TENM3: variants seen among roughly 807,000 people sequenced by gnomAD.
The protein encoded by TENM3 is teneurin transmembrane protein 3.
TENM3 carries 63 observed loss-of-function variants against 255.1 expected under a neutral mutation model. That is an observed-to-expected ratio of 0.25 (90% CI 0.20 to 0.30). The LOEUF is 0.30. Among genes scored for constraint, TENM3 ranks in the 10% least tolerant of loss-of-function variants. The probability of loss-of-function intolerance (pLI) is 1.00; values close to 1 mark genes in which losing one functional copy is unlikely to be tolerated. For missense variants in TENM3, 2,929 were observed against 3,461.1 expected, an observed-to-expected ratio of 0.85 and a Z score of 3.86; for synonymous variants, 1,306 against 1,322.3, an observed-to-expected ratio of 0.99 and a Z score of 0.27.
At chr4:182,593,628 A>T (rs1188487258) in intron 3 of TENM3, among the ~76,000 whole-genome samples, 1 of 152,154 alleles carries the variant, frequency 6.6e-6, no homozygotes. Flanking sequence ...GGGTGAAGGA[A>T]GTGGGTGGGA....
At chr4:182,430,992 A>G (rs889616700) in intron 3 of TENM3, among the ~76,000 whole-genome samples, 2 of 151,514 alleles carry the variant, frequency 1.3e-5, no homozygotes, top group East Asian at 2.0e-4. Flanking sequence ...AGCCTGGGTG[A>G]CACAGCAAGA....
the TENM3 span, among the ~76,000 whole-genome samples, chr4:182,018,650 C>A: frequency 1.3e-5 from 2 of 152,152 alleles, no homozygotes; most frequent in African/African-American, 4.8e-5. Context: ...ATAAAGTGAT[C>A]TTTCCTTTCA....
the TENM3 span, among the ~76,000 whole-genome samples, chr4:181,946,024 C>A: frequency 6.6e-6 from 1 of 151,984 alleles, no homozygotes; most frequent in Non-Finnish European, 1.5e-5. Flanking sequence ...TCCTATTTAT[C>A]ATAAAGATAA....
chr4:182,450,720 G>A (rs1389405846), intron 3 of TENM3, among the ~76,000 whole-genome samples: 3 of 152,196 alleles, frequency 2.0e-5, no homozygotes, highest in African/African-American at 4.8e-5. Context: ...GGCTGTGAAA[G>A]ACTGAAATTA....
chr4:182,152,291 T>C lies in TENM3; in HGVS notation c.-76+7537T>C, dbSNP rs796082298. ...TCTATAATATGTTTATAAGTTGATA[T>C]TTCTGCTTTAAATTTCAACTTGTTT... On this transcript the variant is annotated intron_variant, in intron 1 of 2. Transcript: ENST00000512480. Among the ~76,000 whole-genome samples, 50 of 152,088 alleles carry C rather than the reference T, an allele frequency of 3.3e-4. 1 individual carries two copies. The highest frequency in any genetic ancestry group is 1.1e-3 in the African/African-American group (45 of 41,574).
rs1372033969 is a variant in TENM3, at chr4:182,801,495, G to T, written c.*1144G>T. On this transcript the variant is annotated 3_prime_UTR_variant, in exon 28 of 28. Coordinates refer to ENST00000511685, the MANE Select transcript of TENM3 (RefSeq NM_001080477.4). ...TCTCTCAACCTTGCAAGTCAATGGG[G>T]AGTTGTTGATATAATTAACCCCGAG... The T allele has an allele frequency of 6.6e-6, 1 of 152,216 alleles. No individual in the cohort carries two copies. Among genetic ancestry groups the T allele is most frequent in the Admixed American group, 6.5e-5 (1 of 15,282 alleles). The allele number at this position is 152,216 out of a possible 1,614,324, so 9.4% of individuals were successfully genotyped here.
At chr4:181,879,263 G>A in the TENM3 span, among the ~76,000 whole-genome samples, 1 of 151,932 alleles carries the variant, frequency 6.6e-6, no homozygotes. Flanking sequence ...ATCATTACAG[G>A]CAAAAAGAAA....
the TENM3 span, among the ~76,000 whole-genome samples, chr4:181,485,067 T>A: frequency 6.6e-6 from 1 of 152,180 alleles, no homozygotes; most frequent in African/African-American, 2.4e-5. Context: ...TAATATTAAT[T>A]GACAGCTGGA....
chr4:181,953,788 C>G, the TENM3 span, among the ~76,000 whole-genome samples: 81,942 of 151,934 alleles, frequency 0.54, 22,544 homozygotes, highest in Non-Finnish European at 0.57. Flanking sequence ...TATTGACATT[C>G]AGGTATAATT....
At chr4:182,408,640 G>GA (rs988033704) in intron 3 of TENM3, among the ~76,000 whole-genome samples, 31 of 152,260 alleles carry the variant, frequency 2.0e-4, no homozygotes, top group Non-Finnish European at 4.1e-4. Flanking sequence ...GTTAAAAAAA[G>GA]AAAAAAATCA....
At chr4:181,578,966 C>T in the TENM3 span, among the ~76,000 whole-genome samples, 708 of 152,168 alleles carry the variant, frequency 4.7e-3, 6 homozygotes, top group African/African-American at 0.016. Context: ...ACATGCAAAC[C>T]GCTGGAAAAG....
intron 1 of TENM3, among the ~76,000 whole-genome samples, chr4:182,220,575 G>A (rs1376858384): frequency 2.6e-5 from 4 of 151,930 alleles, no homozygotes; most frequent in African/African-American, 4.8e-5. Flanking sequence ...CTGTGAGTCC[G>A]TGGCCCTGTA....
chr4:182,154,022 C>A (rs1750522280), intron 1 of TENM3, among the ~76,000 whole-genome samples: 1 of 151,806 alleles, frequency 6.6e-6, no homozygotes, highest in Non-Finnish European at 1.5e-5. Flanking sequence ...TTATTTTTAT[C>A]TTTTGAAAAA....
the TENM3 span, among the ~76,000 whole-genome samples, chr4:181,548,635 A>C: frequency 6.5e-3 from 984 of 152,302 alleles, 8 homozygotes; most frequent in African/African-American, 0.023. Flanking sequence ...TCTCCCAAGC[A>C]AAAGATTAAA....
chr4:181,552,716 C>T, the TENM3 span, among the ~76,000 whole-genome samples: 1 of 152,144 alleles, frequency 6.6e-6, no homozygotes, highest in East Asian at 1.9e-4. Context: ...GAAAGATTTA[C>T]TGTGTAAGAG....
At chr4:181,497,614 G>A in the TENM3 span, among the ~76,000 whole-genome samples, 1 of 152,102 alleles carries the variant, frequency 6.6e-6, no homozygotes, top group Non-Finnish European at 1.5e-5. Flanking sequence ...GAGGAAGGCT[G>A]TTCAAATCGA....
chr4:181,499,936 C>T, the TENM3 span, among the ~76,000 whole-genome samples: 2 of 152,194 alleles, frequency 1.3e-5, no homozygotes, highest in Non-Finnish European at 2.9e-5. Flanking sequence ...TGCTCCAGCA[C>T]ATCTTCTCAA....
intron 1 of TENM3, among the ~76,000 whole-genome samples, chr4:182,296,075 T>C (rs1479035155): frequency 6.6e-6 from 1 of 152,192 alleles, no homozygotes. Flanking sequence ...GCAATTCTCC[T>C]GCCTCAGCCT....
At chr4:181,685,677 T>C in the TENM3 span, among the ~76,000 whole-genome samples, 1 of 152,174 alleles carries the variant, frequency 6.6e-6, no homozygotes, top group Non-Finnish European at 1.5e-5. Flanking sequence ...TCCAGAATAA[T>C]GCCAAAGGAC....
Sources: allele counts gnomAD v4.1 joint callset (sites outside exome capture counted in the v4.1 genomes callset), GRCh38; gene constraint gnomAD v4.1.1; transcripts MANE v1.5; gene names NCBI Gene and HGNC (gene_info 2026-07-23, HGNC 2026-07-21).